The following DHX35 variants were observed in gnomAD, a reference collection of about 807,000 sequenced individuals.
DHX35 encodes the protein DEAH-box helicase 35.
Under a neutral mutation model 99.6 loss-of-function variants are expected in DHX35, and 84 were observed. The observed-to-expected ratio is 0.84, with a 90% CI of 0.71 to 1.01. The LOEUF (loss-of-function observed/expected upper bound fraction) is 1.01. DHX35 is among the 50% of genes least tolerant of loss of function. DHX35 has a pLI of 0.00. For synonymous variants in DHX35, 331 were observed against 316.2 expected, an observed-to-expected ratio of 1.05 and a Z score of -0.50; for missense variants, 852 against 888.5, an observed-to-expected ratio of 0.96 and a Z score of 0.52.
At chr20:39,020,968 A>G (rs905697989) in intron 15 of DHX35, among the ~76,000 whole-genome samples, 7 of 152,064 alleles carry the variant, frequency 4.6e-5, no homozygotes, top group Non-Finnish European at 1.0e-4. Context: ...TGGCCGAGAA[A>G]CAGGATTCTA....
intron 3 of DHX35, among the ~76,000 whole-genome samples, chr20:38,980,511 G>GTTTTTT (rs397953645): frequency 2.2e-5 from 3 of 136,994 alleles, no homozygotes; most frequent in Non-Finnish European, 4.8e-5. Flanking sequence ...TTATAGTTCT[G>GTTTTTT]TTTTTTTTTT....
Position 38,983,684 on chromosome 20 carries a change from T to G in DHX35, c.268-15T>G. On this transcript the variant is annotated splice_polypyrimidine_tract_variant and intron_variant, in intron 3 of 21. Transcript: ENST00000252011. ...GTGGTATCATATGTATACTTAGATG[T>G]GATTTTGTTTGTAGTACCTTGCAGA... The G allele has an allele frequency of 1.2e-6, 2 of 1,613,040 alleles. No homozygotes were observed. The highest frequency in any genetic ancestry group is 1.7e-6 in the Non-Finnish European group (2 of 1,179,170).
At position 38,975,598 on chromosome 20, in the gene DHX35, T is replaced by A. The variant is rs369560751; in HGVS notation, c.267+2947T>A. On this transcript the variant is annotated intron_variant, in intron 3 of 21. Transcript: ENST00000252011. ...TGATGTTCCAGAATTGTTTGGGAATTAGTCTGTGACGTTATGTAGTCAGCT... is the reference window on the plus strand; with the variant it reads ...TGATGTTCCAGAATTGTTTGGGAATAAGTCTGTGACGTTATGTAGTCAGCT... 2.8e-3 allele frequency among the ~76,000 whole-genome samples: 432 copies of A among 152,306 alleles called. 3 individuals are homozygous for A. The highest frequency in any genetic ancestry group is 0.023 in the South Asian group (111 of 4,830).
chr20:38,976,757 C>T (rs1022359991), intron 3 of DHX35, among the ~76,000 whole-genome samples: 1 of 152,142 alleles, frequency 6.6e-6, no homozygotes, highest in African/African-American at 2.4e-5. Context: ...ACTCCCTGTT[C>T]CCCTCTTCCC....
rs898704764 is a variant in DHX35 at position 39,016,786 on chromosome 20, C to T, written c.1402+1852C>T. The stretch of plus-strand genomic sequence containing the variant: ...TGAGTCATGATGTTGAGCACCTTTT[C>T]GTGTGCTTGCTGCCCATTTGTAAAT... On this transcript the variant is annotated intron_variant, in intron 14 of 21. Coordinates refer to ENST00000252011, the MANE Select transcript of DHX35 (RefSeq NM_021931.4). Among the ~76,000 whole-genome samples the T allele has an allele frequency of 4.6e-5, 7 of 150,892 alleles. No homozygotes were observed. The South Asian group carries it at 8.4e-4, about 18-fold the overall frequency.
intron 14 of DHX35, among the ~76,000 whole-genome samples, chr20:39,016,998 CT>C (rs1475179367): frequency 6.7e-6 from 1 of 150,232 alleles, no homozygotes; most frequent in South Asian, 2.1e-4. Flanking sequence ...CATGTACTTA[CT>C]TTTTACTTAT....
intron 21 of DHX35, among the ~76,000 whole-genome samples, chr20:39,037,216 C>T (rs1325206211): frequency 1.3e-5 from 2 of 152,176 alleles, no homozygotes; most frequent in Non-Finnish European, 2.9e-5. Context: ...TATCAGGTGA[C>T]GTGTAGAGAG....
intron 3 of DHX35, among the ~76,000 whole-genome samples, chr20:38,983,423 T>C (rs1350966955): frequency 1.3e-5 from 2 of 152,226 alleles, no homozygotes; most frequent in Non-Finnish European, 2.9e-5. Flanking sequence ...CTGAGGCATC[T>C]GTAGTACATG....
At chr20:39,012,764 C>T (rs538288238) in intron 13 of DHX35, among the ~76,000 whole-genome samples, 1 of 152,350 alleles carries the variant, frequency 6.6e-6, no homozygotes, top group East Asian at 1.9e-4. Context: ...CGCCTGACCT[C>T]AGGTGATCTG....
At chr20:38,984,846 T>A (rs1360867205) in intron 4 of DHX35, among the ~76,000 whole-genome samples, 1 of 152,194 alleles carries the variant, frequency 6.6e-6, no homozygotes, top group Non-Finnish European at 1.5e-5. Flanking sequence ...TAACCTTGAA[T>A]TGCTTGTTTT....
chr20:39,016,047 A>AGAGGTTT (rs1259207369), intron 14 of DHX35, among the ~76,000 whole-genome samples: 1 of 152,166 alleles, frequency 6.6e-6, no homozygotes. Flanking sequence ...TAATTTCTAA[A>AGAGGTTT]GAGGTTTATT....
chr20:38,972,315 A>G (rs1392461897), intron 2 of DHX35, among the ~76,000 whole-genome samples: 1 of 141,040 alleles, frequency 7.1e-6, no homozygotes, highest in African/African-American at 2.8e-5. Flanking sequence ...CCGGCCTATA[A>G]TTTCTTATAA....
intron 9 of DHX35, among the ~76,000 whole-genome samples, chr20:39,002,132 G>A (rs562789277): frequency 6.6e-6 from 1 of 152,204 alleles, no homozygotes; most frequent in Non-Finnish European, 1.5e-5. Flanking sequence ...TTCAGAACTG[G>A]GGTTTACAAG....
At chr20:38,969,779 T>G (rs2085966220) in intron 2 of DHX35, among the ~76,000 whole-genome samples, 1 of 152,210 alleles carries the variant, frequency 6.6e-6, no homozygotes, top group Non-Finnish European at 1.5e-5. Flanking sequence ...AAGTGCAAAC[T>G]AGAATTCATT....
At chr20:39,010,944 T>C (rs2086693591) in intron 13 of DHX35, among the ~76,000 whole-genome samples, 1 of 152,182 alleles carries the variant, frequency 6.6e-6, no homozygotes, top group Non-Finnish European at 1.5e-5. Context: ...CCAGATTGCT[T>C]TACCAATGTC....
At chr20:39,021,815 A>G (rs753819676) in intron 15 of DHX35, 26 bp from the exon 16 acceptor site, 31 of 1,611,754 alleles carry the variant, frequency 1.9e-5, no homozygotes, top group African/African-American at 2.7e-5. Context: ...ATATGGTTGA[A>G]ACCAAACATG....
At chr20:38,963,691 C>A (rs1175618328) in intron 1 of DHX35, among the ~76,000 whole-genome samples, 1 of 152,202 alleles carries the variant, frequency 6.6e-6, no homozygotes, top group African/African-American at 2.4e-5. Context: ...TGGAATTACT[C>A]TTAAGAGTTC....
At chr20:39,001,685 C>A (rs1417771747) in intron 8 of DHX35, 45 bp from the exon 9 acceptor site, 1 of 1,490,638 alleles carries the variant, frequency 6.7e-7, no homozygotes, top group Non-Finnish European at 9.2e-7. Flanking sequence ...TCGCTACGAA[C>A]CTTTTTTTCT....
chr20:39,019,775 A>G (rs2086843375), intron 15 of DHX35, among the ~76,000 whole-genome samples: 2 of 152,200 alleles, frequency 1.3e-5, no homozygotes, highest in Admixed American at 1.3e-4. Flanking sequence ...ACGATACATT[A>G]TTATTAACTG....
Sources: gnomAD v4.1 joint callset for allele counts (sites outside exome capture counted in the v4.1 genomes callset) on GRCh38, gnomAD v4.1.1 for gene constraint, MANE v1.5 for transcripts, NCBI Gene and HGNC (gene_info 2026-07-23, HGNC 2026-07-21) for gene names.